The following EBF1 variants were observed in gnomAD, a reference collection of about 807,000 sequenced individuals.
EBF1 encodes the protein transcription factor COE1.
In EBF1, 10 loss-of-function variants were observed where a neutral mutation model predicts 68.4. The observed-to-expected ratio is 0.15, with a 90% CI of 0.09 to 0.25. The LOEUF is 0.25. Ranked by LOEUF, EBF1 falls within the 10% of genes least tolerant of loss-of-function variation. EBF1 has a pLI of 1.00. For missense variants in EBF1, 509 were observed against 794.4 expected (o/e 0.64, Z 4.32); for synonymous variants, 298 against 299.8 (o/e 0.99, Z 0.06).
At chr5:158,883,950 T>C (rs1799479931) in intron 6 of EBF1, among the ~76,000 whole-genome samples, 1 of 152,088 alleles carries the variant, frequency 6.6e-6, no homozygotes, top group Admixed American at 6.6e-5. Flanking sequence ...AGGAAGCACA[T>C]AGCAAACTCA....
At position 158,778,105 on chromosome 5, in the gene EBF1, A is replaced by G. The variant is rs575369106; in HGVS notation, c.910-566T>C. On this transcript the variant is annotated intron_variant, in intron 9 of 15. Transcript: ENST00000313708. ...TGGAATAGCTTATGGATCTAGCAGA[A>G]CTAAGGACTCTCCATAAAAGGGAAA... is the stretch of plus-strand genomic sequence containing the variant. Among the ~76,000 whole-genome samples the G allele has an allele frequency of 6.6e-5, 10 of 152,204 alleles. No homozygotes were observed. The East Asian group carries it at 1.5e-3, about 24-fold the overall frequency.
At chr5:158,985,119 T>C (rs997252948) in intron 6 of EBF1, among the ~76,000 whole-genome samples, 1 of 152,186 alleles carries the variant, frequency 6.6e-6, no homozygotes, top group South Asian at 2.1e-4. Context: ...TTGATGTAAA[T>C]ACATTTGTTT....
chr5:158,841,681 A>G (rs1284458400), intron 6 of EBF1, among the ~76,000 whole-genome samples: 1 of 152,180 alleles, frequency 6.6e-6, no homozygotes, highest in Non-Finnish European at 1.5e-5. Flanking sequence ...CTCTATAACA[A>G]CAGCACTGCA....
chr5:159,032,522 C>G (rs952919314), intron 6 of EBF1, among the ~76,000 whole-genome samples: 1 of 152,184 alleles, frequency 6.6e-6, no homozygotes, highest in Non-Finnish European at 1.5e-5. Context: ...TTATTTCTAG[C>G]CTCTTCAACA....
rs975040238 is a variant in EBF1, at chr5:158,774,229, G to A, written c.1036+3184C>T. On this transcript the variant is annotated intron_variant, in intron 10 of 15. Coordinates refer to ENST00000313708, the MANE Select transcript of EBF1 (RefSeq NM_024007.5). ...AAGAACCAATGAGGGAGAGATGTAC[G>A]CTTGCTTACCATCCTTACAAGGGGA... 3.3e-5 allele frequency among the ~76,000 whole-genome samples: 5 copies of A among 152,020 alleles called. No individual in the cohort carries two copies. The South Asian group carries it at 1.0e-3, about 32-fold the overall frequency.
At chr5:159,016,549 T>C (rs1043689345) in intron 6 of EBF1, among the ~76,000 whole-genome samples, 9 of 152,036 alleles carry the variant, frequency 5.9e-5, no homozygotes, top group African/African-American at 2.2e-4. Context: ...TAATAGAAAA[T>C]AAGATTTTAA....
intron 6 of EBF1, among the ~76,000 whole-genome samples, chr5:158,855,014 A>G (rs1648632653): frequency 6.6e-6 from 1 of 152,184 alleles, no homozygotes; most frequent in Non-Finnish European, 1.5e-5. Flanking sequence ...CAGGTCACAT[A>G]TAAGTGAAAG....
chr5:158,812,559 C>T lies in EBF1; in HGVS notation c.778+10617G>A, dbSNP rs182267813. 1.8e-4 allele frequency among the ~76,000 whole-genome samples: 27 copies of T among 152,228 alleles called. No individual in the cohort carries two copies. The East Asian group carries it at 3.3e-3, about 19-fold the overall frequency. On this transcript the variant is annotated intron_variant, in intron 8 of 15. Transcript: ENST00000313708. ...AGCCAGATGAGAAAACAGAGCCACCCCCTTCCGGAGGTACCAGGACTTCCT... is the reference window on the plus strand; with the variant it reads ...AGCCAGATGAGAAAACAGAGCCACCTCCTTCCGGAGGTACCAGGACTTCCT...
chr5:158,968,090 CA>C (rs1184375624), intron 6 of EBF1, among the ~76,000 whole-genome samples: 6 of 150,554 alleles, frequency 4.0e-5, no homozygotes, highest in East Asian at 3.9e-4. Context: ...CAAATAATTG[CA>C]AAAAAAAATT....
At chr5:158,854,605 G>A (rs966667366) in intron 6 of EBF1, among the ~76,000 whole-genome samples, 3 of 152,186 alleles carry the variant, frequency 2.0e-5, no homozygotes, top group Admixed American at 6.5e-5. Context: ...TTAATCAGAA[G>A]CAGTAACTTT....
chr5:158,906,001 A>G (rs1249784473), intron 6 of EBF1, among the ~76,000 whole-genome samples: 1 of 152,086 alleles, frequency 6.6e-6, no homozygotes, highest in African/African-American at 2.4e-5. Flanking sequence ...CTGCTCATTT[A>G]TTTTTCATTT....
intron 6 of EBF1, among the ~76,000 whole-genome samples, chr5:158,937,515 G>T (rs921025576): frequency 6.6e-6 from 1 of 152,198 alleles, no homozygotes; most frequent in Admixed American, 6.5e-5. Context: ...CCCTGAGCAA[G>T]GGTGTAGGCA....
In EBF1 at chr5:159,084,643, G is replaced by C. The variant is rs376713977; in HGVS notation, c.485+23C>G. The C allele has an allele frequency of 2.0e-6, 3 of 1,531,156 alleles. No homozygotes were observed. In the African/African-American group the frequency reaches 4.2e-5, roughly 21 times the overall value. 94.8% of individuals were successfully genotyped at this position (1,531,156 alleles called of 1,614,324 possible). On this transcript the variant is annotated intron_variant, in intron 5 of 15. Transcript: ENST00000313708. ...TTCATCTTCTCTTTGCTAATTAACG[G>C]GAGAGACCAAGATATTTCTTACCTG...
At chr5:158,764,845 A>G (rs140331013) in intron 10 of EBF1, among the ~76,000 whole-genome samples, 43 of 152,318 alleles carry the variant, frequency 2.8e-4, no homozygotes, top group African/African-American at 1.0e-3. Flanking sequence ...TACAGATCTG[A>G]TATCAGACCC....
At chr5:158,875,428 T>G (rs1309385965) in intron 6 of EBF1, among the ~76,000 whole-genome samples, 1 of 152,230 alleles carries the variant, frequency 6.6e-6, no homozygotes. Context: ...CAAGAGCACT[T>G]CCTATCCGAA....
intron 10 of EBF1, among the ~76,000 whole-genome samples, chr5:158,756,294 T>C (rs913936771): frequency 6.6e-6 from 1 of 151,948 alleles, no homozygotes; most frequent in Non-Finnish European, 1.5e-5. Flanking sequence ...TGAGATAGAC[T>C]ATAGCGTGTT....
intron 6 of EBF1, among the ~76,000 whole-genome samples, chr5:158,971,050 G>A (rs1369431650): frequency 6.6e-6 from 1 of 152,108 alleles, no homozygotes; most frequent in African/African-American, 2.4e-5. Flanking sequence ...GAAGAGGGAG[G>A]GGCAATACCG....
chr5:159,047,933 G>C (rs1431724746), intron 6 of EBF1, among the ~76,000 whole-genome samples: 1 of 152,138 alleles, frequency 6.6e-6, no homozygotes, highest in East Asian at 1.9e-4. Flanking sequence ...GCCCAACCCA[G>C]AACTGTCTGC....
chr5:159,062,393 G>GA (rs1272359368), intron 6 of EBF1, among the ~76,000 whole-genome samples: 1 of 150,082 alleles, frequency 6.7e-6, no homozygotes, highest in African/African-American at 2.4e-5. Flanking sequence ...GAAGGCTGGG[G>GA]AAAGGGATGC....
Sources: allele counts gnomAD v4.1 joint callset (sites outside exome capture counted in the v4.1 genomes callset), GRCh38; gene constraint gnomAD v4.1.1; transcripts MANE v1.5; gene names NCBI Gene and HGNC (gene_info 2026-07-23, HGNC 2026-07-21).